VPS13A: variants seen among roughly 807,000 people sequenced by gnomAD.
The protein encoded by VPS13A is intermembrane lipid transfer protein VPS13A.
In VPS13A, 264 loss-of-function variants were observed where a neutral mutation model predicts 390.9. The observed-to-expected ratio is 0.68, with a 90% confidence interval of 0.61 to 0.75. VPS13A has a LOEUF of 0.75. Among genes scored for constraint, VPS13A ranks in the 30% least tolerant of loss-of-function variants. The pLI is 0.00. For missense variants in VPS13A, 3,409 were observed against 3,733.9 expected (o/e 0.91, Z 2.27); for synonymous variants, 1,231 against 1,227.1 (o/e 1.00, Z -0.07).
At chr9:77,347,180 G>T (rs1305139837) in intron 52 of VPS13A, among the ~76,000 whole-genome samples, 1 of 152,004 alleles carries the variant, frequency 6.6e-6, no homozygotes, top group African/African-American at 2.4e-5. Context: ...TCCTTTTATG[G>T]TTCCATATAA....
At chr9:77,375,041 G>A (rs1236818888) in intron 67 of VPS13A, among the ~76,000 whole-genome samples, 1 of 152,068 alleles carries the variant, frequency 6.6e-6, no homozygotes, top group Non-Finnish European at 1.5e-5. Flanking sequence ...TCCTCTACCT[G>A]TAACTTTAAG....
At chr9:77,326,842 A>G (rs1830040622) in intron 45 of VPS13A, among the ~76,000 whole-genome samples, 2 of 152,236 alleles carry the variant, frequency 1.3e-5, no homozygotes, top group Admixed American at 6.5e-5. Context: ...ACGGATCTTT[A>G]CTGAGCCTTA....
intron 62 of VPS13A, 69 bp downstream of exon 62, chr9:77,368,205 T>C: frequency 7.9e-7 from 1 of 1,269,558 alleles, no homozygotes; most frequent in Non-Finnish European, 1.1e-6. Flanking sequence ...TGTCTATACA[T>C]ATATAATGTG....
chr9:77,207,264 T>C (rs1033066446), intron 5 of VPS13A, among the ~76,000 whole-genome samples: 1 of 125,544 alleles, frequency 8.0e-6, no homozygotes, highest in East Asian at 2.3e-4. Flanking sequence ...AAACGTGTTA[T>C]ATGTAACATA....
chr9:77,271,611 G>A (rs866104216), intron 23 of VPS13A, among the ~76,000 whole-genome samples: 1 of 152,056 alleles, frequency 6.6e-6, no homozygotes, highest in Non-Finnish European at 1.5e-5. Flanking sequence ...TCATACAGTA[G>A]ACTACTACTC....
chr9:77,366,252 A>G (rs1271824904), intron 60 of VPS13A, among the ~76,000 whole-genome samples: 1 of 152,068 alleles, frequency 6.6e-6, no homozygotes, highest in East Asian at 1.9e-4. Context: ...ATCATCTAAC[A>G]CAATGCCTAT....
At chr9:77,388,792 A>G (rs1056176607) in intron 68 of VPS13A, among the ~76,000 whole-genome samples, 5 of 152,222 alleles carry the variant, frequency 3.3e-5, no homozygotes, top group Non-Finnish European at 7.4e-5. Context: ...TTTTTCTACT[A>G]TAAATTATCA....
At chr9:77,301,560 C>G (rs1165691185) in intron 33 of VPS13A, among the ~76,000 whole-genome samples, 1 of 152,122 alleles carries the variant, frequency 6.6e-6, no homozygotes, top group East Asian at 1.9e-4. Context: ...TGCCAAAATT[C>G]TACAGTCATG....
chr9:77,265,521 T>C (rs1484533692), intron 23 of VPS13A, among the ~76,000 whole-genome samples: 4 of 152,200 alleles, frequency 2.6e-5, no homozygotes, highest in Non-Finnish European at 5.9e-5. Context: ...TGATTTAGTC[T>C]TGAGAGGGTG....
intron 33 of VPS13A, among the ~76,000 whole-genome samples, chr9:77,300,883 A>G (rs978814073): frequency 5.3e-5 from 8 of 152,264 alleles, no homozygotes; most frequent in Non-Finnish European, 1.0e-4. Flanking sequence ...TATATGGCAC[A>G]TGCCAATCAT....
At chr9:77,399,919 A>G (rs1563991463) in intron 68 of VPS13A, among the ~76,000 whole-genome samples, 1 of 152,156 alleles carries the variant, frequency 6.6e-6, no homozygotes, top group Non-Finnish European at 1.5e-5. Flanking sequence ...CTCTTGTAAT[A>G]TAATTTTATT....
chr9:77,182,394 A>G (rs1824076210), intron 1 of VPS13A, among the ~76,000 whole-genome samples: 1 of 152,172 alleles, frequency 6.6e-6, no homozygotes. Flanking sequence ...GCGTCCGGCC[A>G]TTTCACATAT....
chr9:77,381,908 G>T (rs1197048483), intron 67 of VPS13A, 68 bp from the exon 68 acceptor site: 13 of 998,500 alleles, frequency 1.3e-5, no homozygotes, highest in Non-Finnish European at 1.8e-5. Flanking sequence ...TTTAGTAATT[G>T]CATTTTATAG....
intron 3 of VPS13A, among the ~76,000 whole-genome samples, chr9:77,201,923 T>C (rs539239251): frequency 6.6e-5 from 10 of 152,254 alleles, no homozygotes; most frequent in Admixed American, 2.0e-4. Context: ...GAGCAGTAAA[T>C]GATTGGAATT....
In VPS13A at chr9:77,366,778, A is replaced by C. The variant is rs778697061; in HGVS notation, c.8377A>C (p.Lys2793Gln). The C allele has an allele frequency of 2.0e-5, 32 of 1,613,268 alleles. No individual in the cohort carries two copies. The highest frequency in any genetic ancestry group is 3.3e-4 in the Middle Eastern group (2 of 6,078). ...CGGCAGAGAAGAAGCTAAAGATTCA[A>C]AACAAAATGGAGGACTGATTCCAGT... The part of the protein sequence containing the change: ...SSGREEAKDS[K>Q]QNGGLIPVHS... Residue 2793 changes from lysine (K) to glutamine (Q), a missense_variant, in exon 61 of 72, where the codon AAA becomes CAA. Physicochemically the swap from Lys to Gln is moderately conservative, Grantham distance 53. This residue lies in a region of VPS13A where 123 missense variants were observed against 118.7 expected (regional missense o/e 1.04). Coordinates refer to ENST00000360280, the MANE Select transcript of VPS13A (RefSeq NM_033305.3).
chr9:77,192,515 A>G (rs73464059), intron 1 of VPS13A, among the ~76,000 whole-genome samples: 2,858 of 151,856 alleles, frequency 0.019, 60 homozygotes, highest in African/African-American at 0.052. Context: ...TCCCTTAAGG[A>G]CCTCTTAAAA....
intron 26 of VPS13A, among the ~76,000 whole-genome samples, chr9:77,278,536 C>T (rs1325537326): frequency 2.6e-5 from 4 of 152,040 alleles, no homozygotes; most frequent in Non-Finnish European, 5.9e-5. Flanking sequence ...GTTTCTTGCA[C>T]AAAGTAAATG....
chr9:77,386,306 G>C (rs1833679644), intron 68 of VPS13A, among the ~76,000 whole-genome samples: 1 of 152,190 alleles, frequency 6.6e-6, no homozygotes, highest in Admixed American at 6.5e-5. Flanking sequence ...GGAAGGAAGA[G>C]TCTGGAAGTT....
At chr9:77,303,591 C>T (rs1319816331) in intron 34 of VPS13A, among the ~76,000 whole-genome samples, 5 of 152,018 alleles carry the variant, frequency 3.3e-5, no homozygotes, top group African/African-American at 4.8e-5. Flanking sequence ...CTCTGAGTTC[C>T]GTCAGTTTTT....
Sources: gnomAD v4.1 joint callset for allele counts (sites outside exome capture counted in the v4.1 genomes callset) on GRCh38, gnomAD v4.1.1 for gene constraint, gnomAD v4.1.1 regional missense constraint, MANE v1.5 for transcripts, NCBI Gene and HGNC (gene_info 2026-07-23, HGNC 2026-07-21) for gene names.